PCNX3: variants seen among roughly 807,000 people sequenced by gnomAD.
PCNX3 encodes the protein pecanex 3.
In PCNX3, 58 loss-of-function variants were observed where a neutral mutation model predicts 207.2. The observed-to-expected ratio is 0.28, with a 90% CI of 0.23 to 0.35. PCNX3 has a LOEUF of 0.35. PCNX3 is among the 10% of genes least tolerant of loss of function. The pLI is 1.00. For synonymous variants in PCNX3, 1,337 were observed against 1,183.5 expected, an observed-to-expected ratio of 1.13 and a Z score of -2.66; for missense variants, 2,410 against 2,774.4, an observed-to-expected ratio of 0.87 and a Z score of 2.95.
chr11:65,630,173 G>A (rs979394356), intron 26 of PCNX3, among the ~76,000 whole-genome samples, 178 bp from the exon 27 acceptor site: 1 of 152,232 alleles, frequency 6.6e-6, no homozygotes, highest in Non-Finnish European at 1.5e-5. Flanking sequence ...GATGCTGGGA[G>A]TTGGGAGGAG....
Position 65,625,392 on chromosome 11 carries a change from T to C in PCNX3, c.3030-13T>C, listed in dbSNP as rs768706464. The C allele has an allele frequency of 1.0e-5, 16 of 1,601,128 alleles. No individual in the cohort carries two copies. The highest frequency in any genetic ancestry group is 1.3e-5 in the Non-Finnish European group (15 of 1,177,284). On this transcript the variant is annotated splice_polypyrimidine_tract_variant and intron_variant, in intron 17 of 34. Coordinates refer to ENST00000355703, the MANE Select transcript of PCNX3 (RefSeq NM_032223.4). The surrounding 1 kb of genome is among the most constrained non-coding windows in gnomAD (Gnocchi z 5.6). ...GGAGGGGCGGCCTCCTCCTGACTCT[T>C]CCTCACCCCCAGGTCTCTGATCCGG...
rs752048277 is a variant in PCNX3, at chr11:65,628,962, G to T, written c.3941+14G>T. The T allele has an allele frequency of 8.7e-6, 14 of 1,610,046 alleles. No homozygotes were observed. Among genetic ancestry groups the T allele is most frequent in the Non-Finnish European group, 1.2e-5 (14 of 1,179,668 alleles). The stretch of plus-strand genomic sequence containing the variant: ...GCGCGACTACAAGTGAGTCTCACAG[G>T]AGGCGGGAGCATGCCCAGCAGGGCA... On this transcript the variant is annotated intron_variant, in intron 24 of 34. Coordinates refer to ENST00000355703, the MANE Select transcript of PCNX3 (RefSeq NM_032223.4).
At chr11:65,629,878 G>A in intron 26 of PCNX3, 143 bp downstream of exon 26, 1 of 900,238 alleles carries the variant, frequency 1.1e-6, no homozygotes, top group Non-Finnish European at 1.7e-6. Flanking sequence ...CCTCCTCCCT[G>A]GGCCTGCGTT....
At position 65,618,486 on chromosome 11, in the gene PCNX3, C is replaced by G. The variant is rs750804226; in HGVS notation, c.1124C>G (p.Ala375Gly). 1.2e-6 allele frequency: 2 copies of G among 1,608,952 alleles called. No homozygotes were observed. Among genetic ancestry groups the G allele is most frequent in the Non-Finnish European group, 8.5e-7 (1 of 1,178,242 alleles). Residue 375 changes from alanine (A) to glycine (G), a missense_variant, in exon 6 of 35, where the codon GCT becomes GGT. Transcript: ENST00000355703. ...GGAGCAGGGACGCCACCGGGCCTGG[C>G]TGAGCCGCTCCTGGTCGTGCGGCCC... ...VIGAGTPPGL[A>G]EPLLVVRPKD...
At chr11:65,617,215 G>T (rs199716073) in intron 2 of PCNX3, 35 bp from the exon 3 acceptor site, 6 of 1,557,190 alleles carry the variant, frequency 3.9e-6, no homozygotes, top group Non-Finnish European at 5.2e-6. Context: ...CAGAGGAGAG[G>T]TTAGCTCAAA....
At chr11:65,630,150 C>T (rs1855561680) in intron 26 of PCNX3, among the ~76,000 whole-genome samples, 1 of 152,358 alleles carries the variant, frequency 6.6e-6, no homozygotes, top group South Asian at 2.1e-4. Flanking sequence ...TGCTCCCTCC[C>T]GCCCTGCCCT....
At chr11:65,626,809 G>A (rs1423753717) in intron 20 of PCNX3, 95 bp from the exon 21 acceptor site, 1 of 1,530,470 alleles carries the variant, frequency 6.5e-7, no homozygotes, top group Non-Finnish European at 8.8e-7. Flanking sequence ...TCTCCGAGGA[G>A]TCAGGACCGC....
In PCNX3 at chr11:65,624,598, T is replaced by A; in HGVS notation, c.2827+17T>A. 1.3e-6 allele frequency: 2 copies of A among 1,568,462 alleles called. No individual in the cohort carries two copies. Among genetic ancestry groups the A allele is most frequent in the Non-Finnish European group, 1.7e-6 (2 of 1,154,202 alleles). On this transcript the variant is annotated intron_variant, in intron 15 of 34. Transcript: ENST00000355703. ...GGGGCACAGGTATGATGCCCACAGG[T>A]GGCTCAGGGATGGGGCCCGTGTGGA...
At chr11:65,620,201 C>T in intron 8 of PCNX3, 138 bp from the exon 9 acceptor site, 1 of 971,582 alleles carries the variant, frequency 1.0e-6, no homozygotes, top group South Asian at 1.7e-5. Flanking sequence ...AGGCCCTTTC[C>T]TCTCCAGAGG....
chr11:65,619,631 T>G lies in PCNX3; in HGVS notation c.1800T>G (p.Pro600=), dbSNP rs748692304. 1 of 1,601,662 alleles carries G rather than the reference T, an allele frequency of 6.2e-7. No individual in the cohort carries two copies. The highest frequency in any genetic ancestry group is 8.5e-7 in the Non-Finnish European group (1 of 1,178,270). ...ACAATGCAGGCAGCAACCCCACCCC[T>G]CCAGCCTCTGTCATGGGCTCGCCGC... ...RRHNAGSNPT[P]PASVMGSPPS... is the part of the protein sequence containing the mutation. The change falls in exon 7 of 35, where the codon CCT becomes CCG. Residue 600 remains proline (P), a synonymous_variant. Coordinates refer to ENST00000355703, the MANE Select transcript of PCNX3 (RefSeq NM_032223.4).
In PCNX3 at chr11:65,636,759, C is replaced by T. The variant is rs376097766; in HGVS notation, c.5893-7C>T. On this transcript the variant is annotated splice_region_variant and splice_polypyrimidine_tract_variant and intron_variant, in intron 34 of 34. Transcript: ENST00000355703. ...GCTCACCCGCCAACCTCTCCCCCCT[C>T]CCCCAGGCGCCTCTAGACCTCAGCC... 8.7e-5 allele frequency: 134 copies of T among 1,545,506 alleles called. No individual in the cohort carries two copies. The highest frequency in any genetic ancestry group is 1.1e-4 in the Non-Finnish European group (130 of 1,144,132).
intron 21 of PCNX3, among the ~76,000 whole-genome samples, 163 bp from the exon 22 acceptor site, chr11:65,627,242 G>A (rs1004084167): frequency 2.6e-5 from 4 of 152,186 alleles, no homozygotes; most frequent in Non-Finnish European, 4.4e-5. Context: ...CACTCCCTTT[G>A]GAAGAGCAGA....
At position 65,625,347 on chromosome 11, in the gene PCNX3, G is replaced by C. The variant is rs865948405; in HGVS notation, c.3030-58G>C. 1 of 1,592,832 alleles carries C rather than the reference G, an allele frequency of 6.3e-7. No individual in the cohort carries two copies. The highest frequency in any genetic ancestry group is 1.7e-4 in the Middle Eastern group (1 of 6,038). On this transcript the variant is annotated intron_variant, in intron 17 of 34. Coordinates refer to ENST00000355703, the MANE Select transcript of PCNX3 (RefSeq NM_032223.4). The surrounding 1 kb of genome is among the most constrained non-coding windows in gnomAD (Gnocchi z 5.6). ...GGGTTTGTGGTCTGTGCATGTGCCC[G>C]TGACTGGGGCCGGGGGGAAGGAGGG...
intron 1 of PCNX3, 95 bp from the exon 2 acceptor site, chr11:65,616,729 G>T (rs1367246531): frequency 5.1e-6 from 7 of 1,383,722 alleles, no homozygotes; most frequent in Non-Finnish European, 6.9e-6. Context: ...AAATTTTCTT[G>T]TGAGTCTGTG....
chr11:65,627,502 C>T lies in PCNX3; in HGVS notation c.3622C>T (p.Leu1208=), dbSNP rs778386959. 1.8e-5 allele frequency: 29 copies of T among 1,613,894 alleles called. No homozygotes were observed. In the East Asian group the frequency reaches 6.0e-4, roughly 33 times the overall value. Residue 1208 remains leucine (L), a synonymous_variant, in exon 22 of 35, where the codon CTG becomes TTG. Transcript: ENST00000355703. ...GTACCTGACGTTGGCCTTCACCGTCCTGCTCTTCCACTTTGACTACCCGCG... is the reference window on the plus strand; with the variant it reads ...GTACCTGACGTTGGCCTTCACCGTCTTGCTCTTCCACTTTGACTACCCGCG... ...QQYLTLAFTV[L]LFHFDYPRLS... is the part of the protein sequence containing the mutation.
rs71470434 is a variant in PCNX3 at position 65,636,364 on chromosome 11, C to T, written c.5594-27C>T. On this transcript the variant is annotated intron_variant, in intron 33 of 34. Transcript: ENST00000355703. ...GTGAGGAGTGCAGCCCAGCTGAGGC[C>T]TCTGCTGTCTTATCTGTCTCCTACA... 3 of 1,588,558 alleles carry T rather than the reference C, an allele frequency of 1.9e-6. No individual in the cohort carries two copies. In the African/African-American group the frequency reaches 4.1e-5, roughly 21 times the overall value.
Position 65,616,866 on chromosome 11 carries a change from G to C in PCNX3, c.196G>C (p.Val66Leu). 1 of 1,613,644 alleles carries C rather than the reference G, an allele frequency of 6.2e-7. No individual in the cohort carries two copies. ...GATGGTGGCCGGCGTGTACTGCCTC[G>C]TGGTGGCTGTCATCTTTGCTACTAT... Reference protein sequence around the residue: ...SLMVAGVYCLVVAVIFATIKT... With the variant: ...SLMVAGVYCLLVAVIFATIKT... Residue 66 changes from valine (V) to leucine (L), a missense_variant, in exon 2 of 35, where the codon GTG becomes CTG. Around this residue, in one of 8 missense-constraint regions of PCNX3, gnomAD observed 1,104 missense variants for 970.3 expected, o/e 1.14. Transcript: ENST00000355703.
intron 23 of PCNX3, 44 bp from the exon 24 acceptor site, chr11:65,628,775 G>GGGGGGGGGC: frequency 1.5e-5 from 22 of 1,500,248 alleles, no homozygotes; most frequent in Admixed American, 1.7e-5. Flanking sequence ...GTGGTGGGGG[G>GGGGGGGGGC]CTGGGAGGTC....
intron 21 of PCNX3, 133 bp downstream of exon 21, chr11:65,627,181 A>G (rs1432004989): frequency 1.5e-6 from 2 of 1,305,178 alleles, no homozygotes; most frequent in East Asian, 5.2e-5. Context: ...CCAGCTCCTG[A>G]CACGCCATCC....
Sources: gnomAD v4.1 joint callset for allele counts (sites outside exome capture counted in the v4.1 genomes callset) on GRCh38, gnomAD v4.1.1 for gene constraint, gnomAD v4.1.1 regional missense constraint, Gnocchi (gnomAD v3.1) non-coding constraint, MANE v1.5 for transcripts, NCBI Gene and HGNC (gene_info 2026-07-23, HGNC 2026-07-21) for gene names.